DNAJB14: variants seen among roughly 807,000 people sequenced by gnomAD.
DNAJB14 encodes the protein DnaJ heat shock protein family (Hsp40) member B14, also known as dnaJ homolog subfamily B member 14.
Under a neutral mutation model 48.4 loss-of-function variants are expected in DNAJB14, and 22 were observed. The ratio of observed to expected loss-of-function variants is 0.45; its 90% CI spans 0.32 to 0.65. DNAJB14 has a LOEUF of 0.65. Among genes scored for constraint, DNAJB14 ranks in the 30% least tolerant of loss-of-function variants. The probability of loss-of-function intolerance (pLI) is 0.03; values close to 1 mark genes in which losing one functional copy is unlikely to be tolerated. For missense variants in DNAJB14, 319 were observed against 458.8 expected, an observed-to-expected ratio of 0.70 and a Z score of 2.78; for synonymous variants, 142 against 158.7, an observed-to-expected ratio of 0.89 and a Z score of 0.79.
chr4:99,906,247 C>A, intron 5 of DNAJB14: 1 of 1,293,256 alleles, frequency 7.7e-7, no homozygotes, highest in Non-Finnish European at 1.0e-6. Flanking sequence ...CCAACAATAA[C>A]AAGTTACCTT....
chr4:99,910,002 T>C (rs972195527), intron 3 of DNAJB14, among the ~76,000 whole-genome samples: 15 of 152,094 alleles, frequency 9.9e-5, no homozygotes, highest in Admixed American at 5.9e-4. Flanking sequence ...ATACAGAATA[T>C]TTTAAAAATA....
chr4:99,930,563 T>C lies in DNAJB14; in HGVS notation c.192A>G (p.Arg64=). 6.2e-7 allele frequency: 1 copy of C among 1,612,962 alleles called. No homozygotes were observed. The highest frequency in any genetic ancestry group is 8.5e-7 in the Non-Finnish European group (1 of 1,179,366). The part of the protein sequence containing the change: ...GSTAGNSPHC[R]KPSGSGDQSK... ...TTTGATCGCCACTACCTGATGGTTT[T>C]CGGCAATGAGGGCTATTTCCAGCCG... is the stretch of plus-strand genomic sequence containing the variant. The change falls in exon 2 of 8, where the codon CGA becomes CGG. Residue 64 remains arginine (R), a synonymous_variant. Coordinates refer to ENST00000442697, the MANE Select transcript of DNAJB14 (RefSeq NM_001031723.4).
intron 1 of DNAJB14, among the ~76,000 whole-genome samples, chr4:99,938,089 T>A (rs1578238384): frequency 4.2e-5 from 1 of 23,892 alleles, no homozygotes; most frequent in Non-Finnish European, 8.2e-5. Flanking sequence ...GAAACCATGT[T>A]AAAAATACAA....
chr4:99,924,456 TA>T, intron 2 of DNAJB14: 1 of 236,702 alleles, frequency 4.2e-6, no homozygotes, highest in Non-Finnish European at 8.1e-6. Context: ...AACTTGGGGG[TA>T]AAAAGGGAAA....
intron 5 of DNAJB14, 44 bp downstream of exon 5, chr4:99,906,473 T>C (rs1725471288): frequency 6.4e-7 from 1 of 1,572,612 alleles, no homozygotes; most frequent in African/African-American, 1.4e-5. Context: ...TTACTTTTCC[T>C]GAGCTGAAAT....
intron 1 of DNAJB14, among the ~76,000 whole-genome samples, chr4:99,943,408 T>G (rs573330056): frequency 7.2e-5 from 11 of 152,342 alleles, no homozygotes; most frequent in Admixed American, 2.0e-4. Flanking sequence ...TTATAATATC[T>G]TTTAGGAGAT....
chr4:99,931,154 A>T lies in DNAJB14; in HGVS notation c.134-533T>A, dbSNP rs112056540. ...CACTAAAAGATTTTCACTAGAGGAT[A>T]CTGTAATATATACATTTCAGGCAAA... On this transcript the variant is annotated intron_variant, in intron 1 of 7. Coordinates refer to ENST00000442697, the MANE Select transcript of DNAJB14 (RefSeq NM_001031723.4). Among the ~76,000 whole-genome samples the T allele has an allele frequency of 3.2e-3, 487 of 152,320 alleles. 6 individuals carry two copies. The highest frequency in any genetic ancestry group is 0.011 in the African/African-American group (470 of 41,586).
intron 6 of DNAJB14, among the ~76,000 whole-genome samples, chr4:99,904,688 A>T (rs927091697): frequency 1.3e-5 from 2 of 152,120 alleles, no homozygotes; most frequent in African/African-American, 4.8e-5. Context: ...ATTGCCTAAA[A>T]CCATGATTTC....
intron 2 of DNAJB14, chr4:99,926,424 T>C (rs1022335579): frequency 3.9e-5 from 6 of 152,168 alleles, no homozygotes; most frequent in African/African-American, 1.2e-4. Flanking sequence ...TCATTTGGAA[T>C]AGAAGAGAAG....
At chr4:99,913,628 T>G (rs1017587806) in intron 3 of DNAJB14, among the ~76,000 whole-genome samples, 38 of 151,278 alleles carry the variant, frequency 2.5e-4, no homozygotes, top group Non-Finnish European at 2.5e-4. Context: ...GTAGTTTTTT[T>G]TTTTTTTTTT....
At chr4:99,909,154 C>T (rs530629516) in intron 3 of DNAJB14, among the ~76,000 whole-genome samples, 1 of 151,940 alleles carries the variant, frequency 6.6e-6, no homozygotes, top group Non-Finnish European at 1.5e-5. Context: ...TATTGTGCTC[C>T]ATCTCCTAAA....
At chr4:99,932,069 CTT>C (rs915551296) in intron 1 of DNAJB14, among the ~76,000 whole-genome samples, 4 of 151,990 alleles carry the variant, frequency 2.6e-5, no homozygotes, top group Non-Finnish European at 4.4e-5. Context: ...CTTTAAAACT[CTT>C]AGAAGAAAAT....
chr4:99,931,829 T>C (rs1320947905), intron 1 of DNAJB14, among the ~76,000 whole-genome samples: 1 of 151,614 alleles, frequency 6.6e-6, no homozygotes. Flanking sequence ...ATAAATGGGT[T>C]GGAAAAGAAA....
chr4:99,931,820 T>C (rs1425254110), intron 1 of DNAJB14, among the ~76,000 whole-genome samples: 2 of 151,520 alleles, frequency 1.3e-5, no homozygotes, highest in Non-Finnish European at 2.9e-5. Flanking sequence ...AAAAAAATCA[T>C]AAATGGGTTG....
In DNAJB14 at chr4:99,917,535, T is replaced by C. The variant is rs1199404640; in HGVS notation, c.451+5505A>G. The stretch of plus-strand genomic sequence containing the variant: ...ACATTTGTGACTAGGTTTCAACATA[T>C]GAACTTTGGGGCACCACAAATAATA... On this transcript the variant is annotated intron_variant, in intron 3 of 7. Transcript: ENST00000442697. Among the ~76,000 whole-genome samples, 7 of 152,204 alleles carry C rather than the reference T, an allele frequency of 4.6e-5. No individual in the cohort carries two copies. The East Asian group carries it at 9.6e-4, about 21-fold the overall frequency.
intron 1 of DNAJB14, among the ~76,000 whole-genome samples, chr4:99,936,746 C>T (rs1410196784): frequency 1.3e-5 from 2 of 152,102 alleles, no homozygotes; most frequent in Non-Finnish European, 2.9e-5. Flanking sequence ...TGAAGGGGCT[C>T]GCACTAACTA....
At chr4:99,933,808 G>A (rs1435721073) in intron 1 of DNAJB14, among the ~76,000 whole-genome samples, 2 of 152,078 alleles carry the variant, frequency 1.3e-5, no homozygotes, top group African/African-American at 4.8e-5. Flanking sequence ...AAAATATAAG[G>A]TGGGGAAAAA....
chr4:99,922,237 ATT>A (rs1212640657), intron 3 of DNAJB14, among the ~76,000 whole-genome samples: 1 of 152,172 alleles, frequency 6.6e-6, no homozygotes, highest in Non-Finnish European at 1.5e-5. Flanking sequence ...TGAAGGACCA[ATT>A]GCTTCTTCTA....
chr4:99,926,967 G>A (rs1486142465), intron 2 of DNAJB14: 1 of 152,142 alleles, frequency 6.6e-6, no homozygotes, highest in Non-Finnish European at 1.5e-5. Flanking sequence ...ACACCTGAAT[G>A]AGAAATTATC....
Sources: gnomAD v4.1 joint callset for allele counts (sites outside exome capture counted in the v4.1 genomes callset) on GRCh38, gnomAD v4.1.1 for gene constraint, MANE v1.5 for transcripts, NCBI Gene and HGNC (gene_info 2026-07-23, HGNC 2026-07-21) for gene names.